RGS6: variants seen among roughly 807,000 people sequenced by gnomAD.
RGS6 encodes regulator of G-protein signaling 6.
Under a neutral mutation model 78.5 loss-of-function variants are expected in RGS6, and 30 were observed. That is an observed-to-expected ratio of 0.38 (90% CI 0.29 to 0.52). The LOEUF (loss-of-function observed/expected upper bound fraction) is 0.52, where lower values mean the gene tolerates loss of function less well. Ranked by LOEUF, RGS6 falls within the 20% of genes least tolerant of loss-of-function variation. The probability of loss-of-function intolerance (pLI) is 0.85; values close to 1 mark genes in which losing one functional copy is unlikely to be tolerated. For missense variants in RGS6, 495 were observed against 609.7 expected (o/e 0.81, Z 1.98); for synonymous variants, 206 against 206.0 (o/e 1.00, Z 0.00).
intron 3 of RGS6, among the ~76,000 whole-genome samples, chr14:72,430,685 GT>G (rs1244681523): frequency 1.3e-5 from 2 of 152,090 alleles, no homozygotes; most frequent in Non-Finnish European, 2.9e-5. Context: ...TGGTTTTGGG[GT>G]TTTTTTCTGT....
intron 1 of RGS6, among the ~76,000 whole-genome samples, chr14:71,950,427 A>G (rs1595095195): frequency 6.6e-6 from 1 of 152,238 alleles, no homozygotes; most frequent in African/African-American, 2.4e-5. Context: ...TTAACTCAAG[A>G]TGGATTAAAG....
At chr14:72,395,873 T>A (rs894341900) in intron 3 of RGS6, among the ~76,000 whole-genome samples, 3 of 152,196 alleles carry the variant, frequency 2.0e-5, no homozygotes, top group Non-Finnish European at 4.4e-5. Context: ...CATCCTTTTT[T>A]ATGGCTGCAT....
the RGS6 span, among the ~76,000 whole-genome samples, chr14:72,576,467 C>A: frequency 6.6e-6 from 1 of 152,204 alleles, no homozygotes; most frequent in African/African-American, 2.4e-5. Flanking sequence ...ATACTATTGG[C>A]AGCAGACAGA....
At chr14:72,425,318 T>C (rs566201395) in intron 3 of RGS6, among the ~76,000 whole-genome samples, 1 of 152,256 alleles carries the variant, frequency 6.6e-6, no homozygotes, top group African/African-American at 2.4e-5. Flanking sequence ...TTTGTAATTT[T>C]AGTAGAGACG....
chr14:72,173,608 C>T (rs115836108), intron 2 of RGS6, among the ~76,000 whole-genome samples: 1 of 152,162 alleles, frequency 6.6e-6, no homozygotes, highest in Non-Finnish European at 1.5e-5. Flanking sequence ...TTCCGTCCCT[C>T]TCCAATAACC....
intron 1 of RGS6, among the ~76,000 whole-genome samples, chr14:71,936,774 A>G (rs980009659): frequency 1.3e-5 from 2 of 152,254 alleles, no homozygotes; most frequent in African/African-American, 2.4e-5. Flanking sequence ...ATGAGTGTAT[A>G]TATACACAAA....
At chr14:72,429,075 A>G (rs1185374654) in intron 3 of RGS6, among the ~76,000 whole-genome samples, 1 of 152,134 alleles carries the variant, frequency 6.6e-6, no homozygotes, top group East Asian at 1.9e-4. Context: ...AGTGGCACAC[A>G]CTTATAGTCC....
chr14:72,408,017 A>G (rs931333819), intron 3 of RGS6, among the ~76,000 whole-genome samples: 1 of 152,360 alleles, frequency 6.6e-6, no homozygotes, highest in Middle Eastern at 3.4e-3. Flanking sequence ...GAGTCAGAGT[A>G]ATTGGCTCTT....
intron 12 of RGS6, among the ~76,000 whole-genome samples, chr14:72,493,733 G>A (rs1372409264): frequency 6.6e-6 from 1 of 151,884 alleles, no homozygotes; most frequent in East Asian, 1.9e-4. Context: ...GAATCAAAAT[G>A]GATCCAGGCT....
chr14:71,959,532 G>A (rs1428418487), intron 1 of RGS6, among the ~76,000 whole-genome samples: 2 of 152,220 alleles, frequency 1.3e-5, no homozygotes, highest in African/African-American at 4.8e-5. Context: ...AAGAGTGGCA[G>A]GCATGATGTT....
Position 72,562,808 on chromosome 14 carries a change from G to A in RGS6, c.*341G>A. On this transcript the variant is annotated 3_prime_UTR_variant, in exon 18 of 18. Coordinates refer to ENST00000553525, the MANE Select transcript of RGS6 (RefSeq NM_001204424.2). Reference sequence around the variant, plus strand: ...GGTTCCTGTCACGACTATCACTTGAGATTATATTATTATCCTCACTCCCTC... The same window carrying A: ...GGTTCCTGTCACGACTATCACTTGAAATTATATTATTATCCTCACTCCCTC... 1 of 1,440,244 alleles carries A rather than the reference G, an allele frequency of 6.9e-7. No individual in the cohort carries two copies. Among genetic ancestry groups the A allele is most frequent in the Non-Finnish European group, 9.4e-7 (1 of 1,059,606 alleles). The allele number at this position is 1,440,244 out of a possible 1,614,324, so 89.2% of individuals were successfully genotyped here.
At chr14:72,338,439 T>A (rs2076420813) in intron 2 of RGS6, among the ~76,000 whole-genome samples, 1 of 152,080 alleles carries the variant, frequency 6.6e-6, no homozygotes, top group Admixed American at 6.6e-5. Context: ...ATGAGAACAG[T>A]AGGGGGGAAA....
At chr14:72,546,570 C>T (rs905945982) in intron 17 of RGS6, among the ~76,000 whole-genome samples, 22 of 152,166 alleles carry the variant, frequency 1.4e-4, no homozygotes, top group Non-Finnish European at 1.5e-4. Flanking sequence ...CACGGAGTGC[C>T]CACTTGGAGA....
chr14:71,918,356 A>G, the RGS6 span, among the ~76,000 whole-genome samples: 1 of 152,220 alleles, frequency 6.6e-6, no homozygotes, highest in Non-Finnish European at 1.5e-5. Context: ...TAGTGAAATT[A>G]AAGGCTGCAT....
intron 2 of RGS6, among the ~76,000 whole-genome samples, chr14:72,160,491 C>T (rs1319916657): frequency 6.6e-6 from 1 of 152,210 alleles, no homozygotes; most frequent in Non-Finnish European, 1.5e-5. Flanking sequence ...ACCTTGACCA[C>T]TGTGATGGGC....
At chr14:72,173,338 A>G (rs865864219) in intron 2 of RGS6, among the ~76,000 whole-genome samples, 11 of 152,120 alleles carry the variant, frequency 7.2e-5, no homozygotes, top group Non-Finnish European at 5.9e-5. Context: ...CACACTCCCC[A>G]GGGGTTCAGT....
At chr14:72,114,509 A>C (rs904513735) in intron 2 of RGS6, among the ~76,000 whole-genome samples, 3 of 152,206 alleles carry the variant, frequency 2.0e-5, no homozygotes, top group Non-Finnish European at 4.4e-5. Flanking sequence ...TGTCATCTTC[A>C]TAATGTGGTT....
rs529884380 is a variant in RGS6 at position 72,038,421 on chromosome 14, C to T, written c.84+73546C>T. 7.2e-3 allele frequency among the ~76,000 whole-genome samples: 1,099 copies of T among 152,220 alleles called. 13 individuals carry two copies. The highest frequency in any genetic ancestry group is 0.025 in the African/African-American group (1,038 of 41,546). ...TACCTTTAGAATCACCTTAGTTCTA[C>T]CTACAAAAATCTTGTTGGGATTTTG... On this transcript the variant is annotated intron_variant, in intron 2 of 17. Coordinates refer to ENST00000553525, the MANE Select transcript of RGS6 (RefSeq NM_001204424.2).
At chr14:72,139,097 A>G (rs1319984572) in intron 2 of RGS6, among the ~76,000 whole-genome samples, 2 of 152,172 alleles carry the variant, frequency 1.3e-5, no homozygotes, top group Non-Finnish European at 2.9e-5. Flanking sequence ...GGCTTGACCA[A>G]TCGAATGCCT....
Sources: allele counts gnomAD v4.1 joint callset (sites outside exome capture counted in the v4.1 genomes callset), GRCh38; gene constraint gnomAD v4.1.1; transcripts MANE v1.5; gene names NCBI Gene and HGNC (gene_info 2026-07-23, HGNC 2026-07-21).